Variants in SYNCRIP observed in about 807,000 individuals in gnomAD.
SYNCRIP encodes the protein synaptotagmin binding cytoplasmic RNA interacting protein, also known as heterogeneous nuclear ribonucleoprotein Q.
SYNCRIP carries 9 observed loss-of-function variants against 68.9 expected under a neutral mutation model. The observed-to-expected ratio is 0.13, with a 90% CI of 0.08 to 0.23. The LOEUF is 0.23. Among genes scored for constraint, SYNCRIP ranks in the 10% least tolerant of loss-of-function variants. SYNCRIP has a pLI of 1.00. For missense variants in SYNCRIP, 414 were observed against 770.6 expected (o/e 0.54, Z 5.48); for synonymous variants, 258 against 254.0 (o/e 1.02, Z -0.15).
At chr6:85,636,881 TG>T (rs1808521444) in intron 6 of SYNCRIP, 85 bp downstream of exon 6, 1 of 1,335,526 alleles carries the variant, frequency 7.5e-7, no homozygotes, top group Non-Finnish European at 1.0e-6. Context: ...AAAAAATGTT[TG>T]GTAAACTCTT....
At chr6:85,612,887 G>A, downstream of SYNCRIP, 2 of 1,550,692 alleles carry the variant, frequency 1.3e-6, no homozygotes, top group African/African-American at 1.4e-5. Flanking sequence ...AGTCTTCATT[G>A]TAACAGGTCA....
At chr6:85,624,181 T>C (rs1806775683) in intron 6 of SYNCRIP, 69 bp from the exon 7 acceptor site, 5 of 1,456,904 alleles carry the variant, frequency 3.4e-6, no homozygotes, top group East Asian at 2.3e-5. Flanking sequence ...TTATAAAAGA[T>C]ACACAAGAGC....
intron 6 of SYNCRIP, among the ~76,000 whole-genome samples, chr6:85,631,876 A>G (rs1174898796): frequency 6.6e-6 from 1 of 152,208 alleles, no homozygotes; most frequent in Non-Finnish European, 1.5e-5. Context: ...TTGAGGCTGA[A>G]TTTAAAGGTG....
In SYNCRIP at chr6:85,623,888, T is replaced by C. The variant is rs181169201; in HGVS notation, c.802+89A>G. The C allele has an allele frequency of 3.7e-4, 548 of 1,480,490 alleles. 1 individual carries two copies. The African/African-American group carries it at 7.4e-3, about 20-fold the overall frequency. The allele number at this position is 1,480,490 out of a possible 1,614,324, so 91.7% of individuals were successfully genotyped here. ...AGTGAGGATTCGATGAGTCAATAAA[T>C]GTATTTAGAACAATGCATGACGCAC... On this transcript the variant is annotated intron_variant, in intron 7 of 10. Transcript: ENST00000369622.
At chr6:85,639,985 T>C (rs547431669) in intron 4 of SYNCRIP, among the ~76,000 whole-genome samples, 2 of 152,316 alleles carry the variant, frequency 1.3e-5, no homozygotes, top group South Asian at 2.1e-4. Context: ...TGTTTCTTTA[T>C]ACTAGGACTA....
chr6:85,637,390 T>C (rs1808578205), intron 4 of SYNCRIP, 34 bp from the exon 5 acceptor site: 2 of 1,357,442 alleles, frequency 1.5e-6, no homozygotes, highest in African/African-American at 2.9e-5. Context: ...ATACATTTAA[T>C]TCACTAGACC....
chr6:85,626,992 G>A (rs543126306), intron 6 of SYNCRIP, among the ~76,000 whole-genome samples: 37 of 152,200 alleles, frequency 2.4e-4, no homozygotes, highest in Admixed American at 8.5e-4. Flanking sequence ...TGGGCCAGGC[G>A]CGGTGGCTCA....
chr6:85,625,570 T>C (rs768863141), intron 6 of SYNCRIP, among the ~76,000 whole-genome samples: 7 of 152,094 alleles, frequency 4.6e-5, no homozygotes, highest in Non-Finnish European at 1.0e-4. Flanking sequence ...GTATTTTTAG[T>C]AGAGACGGGG....
rs1226693662 is a variant in SYNCRIP at position 85,641,767 on chromosome 6, G to A, written c.-12-316C>T. The stretch of plus-strand genomic sequence containing the variant: ...TGCCACATGCAGCTGTGCCCGTTCG[G>A]AAAATGAGGTGTGTGTGGAGAAAGC... On this transcript the variant is annotated intron_variant, in intron 1 of 10. Transcript: ENST00000369622. Among the ~76,000 whole-genome samples, 6 of 152,178 alleles carry A rather than the reference G, an allele frequency of 3.9e-5. No homozygotes were observed. In the East Asian group the frequency reaches 1.2e-3, roughly 29 times the overall value.
chr6:85,621,947 T>C (rs779424457), intron 8 of SYNCRIP, among the ~76,000 whole-genome samples: 3 of 152,222 alleles, frequency 2.0e-5, no homozygotes, highest in Admixed American at 6.5e-5. Flanking sequence ...GTGATGGCTA[T>C]ACAATTATGG....
At chr6:85,622,860 ATC>A (rs1181599305) in intron 7 of SYNCRIP, among the ~76,000 whole-genome samples, 173 bp from the exon 8 acceptor site, 4 of 152,196 alleles carry the variant, frequency 2.6e-5, no homozygotes, top group African/African-American at 9.7e-5. Flanking sequence ...TATTTTCCTA[ATC>A]TGTTTCCAAG....
At chr6:85,618,739 T>C (rs1474640182) in intron 10 of SYNCRIP, 79 bp downstream of exon 10, 2 of 1,270,550 alleles carry the variant, frequency 1.6e-6, no homozygotes, top group African/African-American at 1.5e-5. Context: ...TTAACAAGTC[T>C]GATCAACACC....
chr6:85,641,564 C>T, intron 1 of SYNCRIP, 113 bp from the exon 2 acceptor site: 1 of 1,076,426 alleles, frequency 9.3e-7, no homozygotes, highest in South Asian at 1.7e-5. Flanking sequence ...TAGCCTATAC[C>T]TCCCTTTAAA....
At chr6:85,609,495 A>G (rs983826377), downstream of SYNCRIP, 4 of 151,962 alleles carry the variant, frequency 2.6e-5, no homozygotes, top group Admixed American at 1.3e-4. Context: ...ATTCACAGTA[A>G]CTGGTAGAAA....
intron 7 of SYNCRIP, 93 bp downstream of exon 7, chr6:85,623,884 T>TA: frequency 6.8e-7 from 1 of 1,462,496 alleles, no homozygotes; most frequent in Non-Finnish European, 9.4e-7. Flanking sequence ...GATGAGTCAA[T>TA]AAATGTATTT....
intron 1 of SYNCRIP, among the ~76,000 whole-genome samples, chr6:85,642,230 C>T (rs1809264459): frequency 6.6e-6 from 1 of 152,136 alleles, no homozygotes; most frequent in African/African-American, 2.4e-5. Flanking sequence ...GCCGCCGTCT[C>T]CGCCGTGACA....
chr6:85,642,470 C>T (rs1809315124), intron 1 of SYNCRIP, among the ~76,000 whole-genome samples: 1 of 152,172 alleles, frequency 6.6e-6, no homozygotes, highest in South Asian at 2.1e-4. Context: ...GGACAAGACC[C>T]ACTCCTCTCC....
chr6:85,613,841 G>A, downstream of SYNCRIP: 1 of 382,616 alleles, frequency 2.6e-6, no homozygotes. Flanking sequence ...TTTTAGGTTA[G>A]TTAGGATAAA....
intron 6 of SYNCRIP, among the ~76,000 whole-genome samples, chr6:85,628,501 C>A (rs1439919103): frequency 6.6e-6 from 1 of 152,202 alleles, no homozygotes; most frequent in Non-Finnish European, 1.5e-5. Context: ...CTTGGCTAAT[C>A]ATTGCTTCCC....
Sources: allele counts gnomAD v4.1 joint callset (sites outside exome capture counted in the v4.1 genomes callset), GRCh38; gene constraint gnomAD v4.1.1; transcripts MANE v1.5; gene names NCBI Gene and HGNC (gene_info 2026-07-23, HGNC 2026-07-21).